RNF19B: variants seen among roughly 807,000 people sequenced by gnomAD.
RNF19B encodes the protein E3 ubiquitin-protein ligase RNF19B.
In RNF19B, 23 loss-of-function variants were observed where a neutral mutation model predicts 65.5. The observed-to-expected ratio is 0.35, with a 90% confidence interval of 0.25 to 0.50. The LOEUF (loss-of-function observed/expected upper bound fraction) is 0.50, where lower values mean the gene tolerates loss of function less well. Ranked by LOEUF, RNF19B falls within the 20% of genes least tolerant of loss-of-function variation. The pLI is 0.98. For synonymous variants in RNF19B, 372 were observed against 379.6 expected, an observed-to-expected ratio of 0.98 and a Z score of 0.23; for missense variants, 794 against 980.0, an observed-to-expected ratio of 0.81 and a Z score of 2.53.
intron 4 of RNF19B, 87 bp from the exon 5 acceptor site, chr1:32,945,715 G>A: frequency 5.5e-6 from 4 of 724,332 alleles, no homozygotes; most frequent in South Asian, 1.6e-5. Flanking sequence ...ATATTCACTT[G>A]TAAGTTATCT....
intron 1 of RNF19B, among the ~76,000 whole-genome samples, chr1:32,962,593 GA>G (rs1178961071): frequency 1.3e-5 from 2 of 152,166 alleles, no homozygotes; most frequent in African/African-American, 4.8e-5. Context: ...AGCTCCTTTT[GA>G]AAGGAGACAA....
intron 1 of RNF19B, among the ~76,000 whole-genome samples, chr1:32,952,748 C>CA (rs36076202): frequency 0.025 from 3,245 of 130,930 alleles, 60 homozygotes; most frequent in African/African-American, 0.054. Flanking sequence ...GACTCCATCT[C>CA]AAAAAAAAAA....
At chr1:32,948,618 T>G (rs1642421948) in intron 2 of RNF19B, among the ~76,000 whole-genome samples, 1 of 152,158 alleles carries the variant, frequency 6.6e-6, no homozygotes, top group South Asian at 2.1e-4. Context: ...TTGAACCACA[T>G]TCTAGCAAGG....
At chr1:32,950,881 G>A (rs552434576) in intron 1 of RNF19B, among the ~76,000 whole-genome samples, 10 of 137,796 alleles carry the variant, frequency 7.3e-5, no homozygotes, top group South Asian at 6.9e-4. Flanking sequence ...TCGCTCTGTC[G>A]CCAGGCTGGA....
Position 32,942,255 on chromosome 1 carries a change from C to T in RNF19B, c.1607G>A (p.Ser536Asn), listed in dbSNP as rs1642252628. ...GILSSGKGKY[S>N]RLEVQADVQK... is the part of the protein sequence containing the mutation. ...CAGAAATTATCTATTTGTTTACCTG[C>T]TATATTTTCCCTTGCCACTGGAGAG... The change falls in exon 7 of 9, where the codon AGC (serine) becomes AAC (asparagine). Residue 536 changes from serine (S) to asparagine (N), a missense_variant. Ser to Asn is a conservative substitution (Grantham distance 46). Around this residue, in one of 3 missense-constraint regions of RNF19B, gnomAD observed 368 missense variants for 447.3 expected, o/e 0.82. Coordinates refer to ENST00000235150, the MANE Select transcript of RNF19B (RefSeq NM_001300826.2). 5.0e-6 allele frequency: 8 copies of T among 1,602,394 alleles called. No homozygotes were observed. In the East Asian group the frequency reaches 1.3e-4, roughly 27 times the overall value.
chr1:32,937,259 T>G lies in RNF19B; in HGVS notation c.1743A>C (p.Arg581Ser). 6.2e-7 allele frequency: 1 copy of G among 1,613,854 alleles called. No individual in the cohort carries two copies. Among genetic ancestry groups the G allele is most frequent in the Non-Finnish European group, 8.5e-7 (1 of 1,180,032 alleles). The part of the protein sequence containing the change: ...SIISSYNPQD[R>S]ECNNMEIQVD... ...CTTGGATTTCCATATTGTTGCATTCTCTGTGGAGACAAAATCCACTTTGCT... is the reference window on the plus strand; with the variant it reads ...CTTGGATTTCCATATTGTTGCATTCGCTGTGGAGACAAAATCCACTTTGCT... Residue 581 changes from arginine to serine, a missense_variant and splice_region_variant, in exon 9 of 9, where the codon AGA becomes AGC. By Grantham distance (110) the Arg-to-Ser change is moderately radical. Transcript: ENST00000235150.
intron 8 of RNF19B, among the ~76,000 whole-genome samples, chr1:32,937,751 TTAG>T (rs1642139107): frequency 6.6e-6 from 1 of 151,956 alleles, no homozygotes; most frequent in Admixed American, 6.6e-5. Flanking sequence ...AGAAGAGTAA[TTAG>T]ATCCTTTTTG....
intron 1 of RNF19B, among the ~76,000 whole-genome samples, chr1:32,953,104 C>G (rs1053772123): frequency 2.3e-4 from 35 of 151,290 alleles, no homozygotes; most frequent in African/African-American, 7.8e-4. Context: ...CCAGTGCATA[C>G]CACCATGCCC....
chr1:32,940,692 C>T (rs572829281), intron 7 of RNF19B, among the ~76,000 whole-genome samples: 1 of 152,288 alleles, frequency 6.6e-6, no homozygotes, highest in South Asian at 2.1e-4. Flanking sequence ...ACCTTCCTAT[C>T]CTGCTTTGTT....
rs550750506 is a variant in RNF19B at position 32,945,726 on chromosome 1, A to G, written c.1147-98T>C. The G allele has an allele frequency of 1.8e-4, 116 of 639,470 alleles. 2 individuals carry two copies. In the South Asian group the frequency reaches 2.1e-3, roughly 12 times the overall value. The allele number at this position is 639,470 out of a possible 1,614,324, so 39.6% of individuals were successfully genotyped here. On this transcript the variant is annotated intron_variant, in intron 4 of 8. Coordinates refer to ENST00000235150, the MANE Select transcript of RNF19B (RefSeq NM_001300826.2). ...GTGAATATTCACTTGTAAGTTATCTATATTAAAACATATCCTCTACCCCAA... is the reference window on the plus strand; with the variant it reads ...GTGAATATTCACTTGTAAGTTATCTGTATTAAAACATATCCTCTACCCCAA...
At chr1:32,947,814 CAA>C (rs1642403336) in intron 3 of RNF19B, among the ~76,000 whole-genome samples, 1 of 151,722 alleles carries the variant, frequency 6.6e-6, no homozygotes, top group Non-Finnish European at 1.5e-5. Context: ...ATATTTATGA[CAA>C]AAGATAAAAG....
At chr1:32,937,342 T>G (rs755564304) in intron 8 of RNF19B, 83 bp from the exon 9 acceptor site, 2 of 1,601,254 alleles carry the variant, frequency 1.2e-6, no homozygotes, top group Admixed American at 1.7e-5. Flanking sequence ...GGTTCAGGAT[T>G]AGGAATTTCA....
At position 32,964,099 on chromosome 1, in the gene RNF19B, T is replaced by A; in HGVS notation, c.587A>T (p.Tyr196Phe). The change falls in exon 1 of 9, where the codon TAC becomes TTC. Residue 196 changes from tyrosine to phenylalanine, a missense_variant. Coordinates refer to ENST00000235150, the MANE Select transcript of RNF19B (RefSeq NM_001300826.2). This position sits in a 1 kb window ranked among gnomAD's most constrained non-coding sequence, Gnocchi z 6.5. ...GCGGCAGTCGGGGTCCGAGGCTAGG[T>A]AGCGGCGCAGCATGAACTCCTCGTA... is the stretch of plus-strand genomic sequence containing the variant. ...HKYEEFMLRR[Y>F]LASDPDCRWC... 1 of 1,530,116 alleles carries A rather than the reference T, an allele frequency of 6.5e-7. No homozygotes were observed. Among genetic ancestry groups the A allele is most frequent in the Non-Finnish European group, 8.8e-7 (1 of 1,138,854 alleles). The allele number at this position is 1,530,116 out of a possible 1,614,324, so 94.8% of individuals were successfully genotyped here. A position where few individuals can be genotyped will look rare whatever the true frequency, so the allele number is the denominator to read the frequency against.
In RNF19B at chr1:32,957,109, C is replaced by T. The variant is rs959397880; in HGVS notation, c.635+6942G>A. Among the ~76,000 whole-genome samples the T allele has an allele frequency of 1.6e-4, 24 of 152,248 alleles. 1 individual carries two copies. The highest frequency in any genetic ancestry group is 1.4e-3 in the Admixed American group (21 of 15,294). ...AAAAAAGAAAAAAAGTGCTTCAACCCAAAACTTATTTCCATGGCTTACACA... is the reference window on the plus strand; with the variant it reads ...AAAAAAGAAAAAAAGTGCTTCAACCTAAAACTTATTTCCATGGCTTACACA... On this transcript the variant is annotated intron_variant, in intron 1 of 8. Transcript: ENST00000235150.
intron 3 of RNF19B, 103 bp from the exon 4 acceptor site, chr1:32,946,667 C>A: frequency 9.8e-7 from 1 of 1,023,156 alleles, no homozygotes; most frequent in Admixed American, 2.6e-5. Flanking sequence ...TAAGGATTAA[C>A]AGAAGAGTTT....
rs1642843577 is a variant in RNF19B at position 32,964,222 on chromosome 1, C to T, written c.464G>A (p.Ser155Asn). The change falls in exon 1 of 9, where the codon AGC (serine) becomes AAC (asparagine). Residue 155 changes from serine to asparagine, a missense_variant. This residue lies in a region of RNF19B where 374 missense variants were observed against 423.8 expected (regional missense o/e 0.88). Transcript: ENST00000235150. The surrounding 1 kb of genome is among the most constrained non-coding windows in gnomAD (Gnocchi z 6.5). ...GCAGCTGATGGGCACCCTGCTCTCGCTTATCTCCAGGCGCAGGTAGTGGCG... is the reference window on the plus strand; with the variant it reads ...GCAGCTGATGGGCACCCTGCTCTCGTTTATCTCCAGGCGCAGGTAGTGGCG... ...CLRHYLRLEI[S>N]ESRVPISCPE... is the part of the protein sequence containing the mutation. 6.5e-7 allele frequency: 1 copy of T among 1,546,394 alleles called. No homozygotes were observed. The highest frequency in any genetic ancestry group is 8.7e-7 in the Non-Finnish European group (1 of 1,145,460).
downstream of RNF19B, among the ~76,000 whole-genome samples, chr1:32,935,612 A>G (rs1012027675): frequency 6.6e-6 from 1 of 152,250 alleles, no homozygotes; most frequent in Non-Finnish European, 1.5e-5. Flanking sequence ...CAAAACTGAG[A>G]AAGTTTATCA....
intron 1 of RNF19B, among the ~76,000 whole-genome samples, chr1:32,953,145 T>A (rs1332433726): frequency 1.3e-5 from 2 of 151,686 alleles, no homozygotes; most frequent in Admixed American, 1.3e-4. Context: ...TTTTTATTTT[T>A]TTTTTGTAGA....
At chr1:32,957,614 G>A (rs564261948) in intron 1 of RNF19B, among the ~76,000 whole-genome samples, 255 of 152,084 alleles carry the variant, frequency 1.7e-3, no homozygotes, top group African/African-American at 2.3e-3. Flanking sequence ...CGGGTGGCTC[G>A]CTTGAAGTCA....
Sources: allele counts gnomAD v4.1 joint callset (sites outside exome capture counted in the v4.1 genomes callset), GRCh38; gene constraint gnomAD v4.1.1; regional missense constraint gnomAD v4.1.1; non-coding constraint Gnocchi (gnomAD v3.1); transcripts MANE v1.5; gene names NCBI Gene and HGNC (gene_info 2026-07-23, HGNC 2026-07-21).